The following ZNF69 variants were observed in gnomAD, a reference collection of about 807,000 sequenced individuals.
The protein encoded by ZNF69 is ZNF3.
A neutral mutation model predicts 50.9 loss-of-function variants in ZNF69; 47 were observed. The observed-to-expected ratio is 0.92, with a 90% CI of 0.73 to 1.18. The LOEUF (loss-of-function observed/expected upper bound fraction) is 1.18. ZNF69 is among the 50% of genes most tolerant of loss of function. ZNF69 has a pLI of 0.00. For missense variants in ZNF69, 717 were observed against 675.1 expected, an observed-to-expected ratio of 1.06 and a Z score of -0.69; for synonymous variants, 216 against 223.1, an observed-to-expected ratio of 0.97 and a Z score of 0.29.
At chr19:11,911,813 G>GAA (rs1428085462) in intron 4 of ZNF69, among the ~76,000 whole-genome samples, 5 of 151,920 alleles carry the variant, frequency 3.3e-5, no homozygotes, top group Non-Finnish European at 5.9e-5. Context: ...AGAACTTAAA[G>GAA]TATAATAATA....
the ZNF69 span, chr19:11,947,665 T>C: frequency 2.5e-6 from 3 of 1,214,826 alleles, no homozygotes; most frequent in Non-Finnish European, 1.2e-6. Flanking sequence ...AAGAACTAAA[T>C]CCAGCATCAA....
rs185337917 is a variant in ZNF69 at position 11,900,659 on chromosome 19, A to G, written c.64-2914A>G. On this transcript the variant is annotated intron_variant, in intron 1 of 3. Transcript: ENST00000429654. ...AGCCACCGTAACCGGCCTTTTGCTT[A>G]TTTTTTGATTGGTTGGTTTTTTTCT... is the stretch of plus-strand genomic sequence containing the variant. Among the ~76,000 whole-genome samples, 14 of 152,096 alleles carry G rather than the reference A, an allele frequency of 9.2e-5. 3 individuals are homozygous for G. Among genetic ancestry groups the G allele is most frequent in the African/African-American group, 3.1e-4 (13 of 41,492 alleles).
At chr19:11,902,327 T>C (rs1225708904) in intron 1 of ZNF69, among the ~76,000 whole-genome samples, 4 of 152,108 alleles carry the variant, frequency 2.6e-5, no homozygotes, top group Admixed American at 6.5e-5. Flanking sequence ...TTTATATATA[T>C]GCTTACCACA....
chr19:11,900,284 G>A (rs1458570099), intron 1 of ZNF69, among the ~76,000 whole-genome samples: 1 of 151,740 alleles, frequency 6.6e-6, no homozygotes, highest in Non-Finnish European at 1.5e-5. Context: ...AACATGTAAT[G>A]TAGGGCATCC....
At chr19:11,923,691 C>G in the ZNF69 span, among the ~76,000 whole-genome samples, 1 of 152,228 alleles carries the variant, frequency 6.6e-6, no homozygotes, top group South Asian at 2.1e-4. Flanking sequence ...ATTTTTCCTC[C>G]CCCACTTTAT....
chr19:11,901,107 G>T lies in ZNF69; in HGVS notation c.64-2466G>T, dbSNP rs1226192602. Among the ~76,000 whole-genome samples the T allele has an allele frequency of 4.6e-5, 7 of 152,088 alleles. 1 individual carries two copies. The highest frequency in any genetic ancestry group is 1.5e-5 in the Non-Finnish European group (1 of 68,022). ...TTTTTTACTTTATTATGGAGACAGG[G>T]TCTCCTTATGTTGCCCAGGCTGGTC... On this transcript the variant is annotated intron_variant, in intron 1 of 3. Transcript: ENST00000429654.
chr19:11,940,595 G>A, the ZNF69 span, among the ~76,000 whole-genome samples: 5 of 152,244 alleles, frequency 3.3e-5, no homozygotes, highest in Middle Eastern at 3.4e-3. Flanking sequence ...TAAAAGCAGC[G>A]TGGACCCAAA....
At chr19:11,956,481 CTG>C in the ZNF69 span, 16 of 398,162 alleles carry the variant, frequency 4.0e-5, no homozygotes, top group East Asian at 5.7e-4. Flanking sequence ...TCTTCAAACA[CTG>C]GGTATTTTCT....
At chr19:11,950,616 GA>G in the ZNF69 span, 1 of 433,334 alleles carries the variant, frequency 2.3e-6, no homozygotes, top group Non-Finnish European at 4.4e-6. Context: ...GAAACTCTAT[GA>G]ATGTAAGCAG....
At chr19:11,949,076 C>T in the ZNF69 span, 3 of 1,609,840 alleles carry the variant, frequency 1.9e-6, no homozygotes, top group Non-Finnish European at 2.5e-6. Context: ...AGTTTTCAAA[C>T]ACACATAAGA....
the ZNF69 span, among the ~76,000 whole-genome samples, chr19:11,940,701 C>T: frequency 6.6e-6 from 1 of 152,150 alleles, no homozygotes; most frequent in African/African-American, 2.4e-5. Context: ...CTGGCTCAGG[C>T]AGCCTGCTTT....
the ZNF69 span, chr19:11,978,704 A>G: frequency 1.2e-6 from 2 of 1,614,156 alleles, no homozygotes; most frequent in Middle Eastern, 1.6e-4. Context: ...AATGTCAGCA[A>G]TGTGGGAAAG....
In ZNF69 at chr19:11,906,617, C is replaced by T. The variant is rs1257802476; in HGVS notation, c.*519C>T. Among the ~76,000 whole-genome samples the T allele has an allele frequency of 1.3e-5, 2 of 152,336 alleles. No homozygotes were observed. The highest frequency in any genetic ancestry group is 2.1e-4 in the South Asian group (1 of 4,832). ...AACAGACCTCAGCTGAGGGTCCTGA[C>T]TGTTAGAAGGAAAACTAACAAACAG... On this transcript the variant is annotated 3_prime_UTR_variant, in exon 4 of 4. Transcript: ENST00000429654.
the ZNF69 span, among the ~76,000 whole-genome samples, chr19:11,968,366 C>T: frequency 7.9e-5 from 12 of 152,090 alleles, no homozygotes; most frequent in African/African-American, 2.9e-4. Flanking sequence ...CCTCAGCCTT[C>T]CCAGTAGCTG....
the ZNF69 span, among the ~76,000 whole-genome samples, chr19:11,977,825 T>G: frequency 2.0e-5 from 3 of 152,180 alleles, no homozygotes; most frequent in South Asian, 6.2e-4. Context: ...ATCACTGTAC[T>G]CCAGGATGGT....
At chr19:11,916,494 A>G (rs995483874), downstream of ZNF69, among the ~76,000 whole-genome samples, 1 of 152,224 alleles carries the variant, frequency 6.6e-6, no homozygotes, top group Admixed American at 6.5e-5. Context: ...ACACACCTGT[A>G]ACACCAGCTA....
chr19:11,976,558 A>G, the ZNF69 span, among the ~76,000 whole-genome samples: 1 of 146,192 alleles, frequency 6.8e-6, no homozygotes, highest in Non-Finnish European at 1.5e-5. Flanking sequence ...TCTGTCTCAA[A>G]AAAAAAAAAA....
At chr19:11,977,545 G>A in the ZNF69 span, 2 of 1,322,358 alleles carry the variant, frequency 1.5e-6, no homozygotes, top group Non-Finnish European at 2.1e-6. Context: ...TCTCTTCTTA[G>A]AATATTTTCT....
At chr19:11,944,339 G>A in the ZNF69 span, among the ~76,000 whole-genome samples, 2 of 152,108 alleles carry the variant, frequency 1.3e-5, no homozygotes, top group Admixed American at 1.3e-4. Flanking sequence ...CACAGGGAGA[G>A]CTTGTACACA....
Sources: allele counts gnomAD v4.1 joint callset (sites outside exome capture counted in the v4.1 genomes callset), GRCh38; gene constraint gnomAD v4.1.1; transcripts MANE v1.5; gene names NCBI Gene and HGNC (gene_info 2026-07-23, HGNC 2026-07-21).